The following ASCC3 variants were observed in gnomAD, a reference collection of about 807,000 sequenced individuals.
ASCC3 encodes the protein activating signal cointegrator 1 complex subunit 3, also known as ASC-1 complex subunit P200.
ASCC3 carries 158 observed loss-of-function variants against 256.3 expected under a neutral mutation model. The ratio of observed to expected loss-of-function variants is 0.62; its 90% confidence interval spans 0.54 to 0.70. ASCC3 has a LOEUF of 0.70. Ranked by LOEUF, ASCC3 falls within the 30% of genes least tolerant of loss-of-function variation. ASCC3 has a pLI of 0.00. For missense variants in ASCC3, 2,259 were observed against 2,626.0 expected, an observed-to-expected ratio of 0.86 and a Z score of 3.05; for synonymous variants, 948 against 883.4, an observed-to-expected ratio of 1.07 and a Z score of -1.30.
At chr6:100,811,169 C>T (rs1770449810) in intron 4 of ASCC3, among the ~76,000 whole-genome samples, 1 of 152,112 alleles carries the variant, frequency 6.6e-6, no homozygotes, top group Admixed American at 6.6e-5. Context: ...GCCCATTTGT[C>T]CAACTCCAGT....
At chr6:100,795,408 A>G (rs943215436) in intron 8 of ASCC3, among the ~76,000 whole-genome samples, 1 of 152,034 alleles carries the variant, frequency 6.6e-6, no homozygotes, top group African/African-American at 2.4e-5. Flanking sequence ...AGATAAAGAA[A>G]AAGAGACAAA....
intron 1 of ASCC3, among the ~76,000 whole-genome samples, chr6:100,875,939 A>G (rs1287467733): frequency 6.6e-6 from 1 of 152,164 alleles, no homozygotes. Context: ...AAGGAGAAAA[A>G]GTAGGAAATA....
At chr6:100,572,647 T>A (rs1223350478) in intron 36 of ASCC3, among the ~76,000 whole-genome samples, 1 of 152,130 alleles carries the variant, frequency 6.6e-6, no homozygotes, top group Non-Finnish European at 1.5e-5. Flanking sequence ...AGCAAGGAGA[T>A]AAACATAATG....
chr6:100,632,658 A>G (rs1422392783), intron 25 of ASCC3, among the ~76,000 whole-genome samples: 1 of 152,200 alleles, frequency 6.6e-6, no homozygotes, highest in East Asian at 1.9e-4. Context: ...AAAAGAGCCC[A>G]GAAATCAACC....
At chr6:100,655,630 T>C (rs1173982963) in intron 17 of ASCC3, 69 bp downstream of exon 17, 3 of 1,536,674 alleles carry the variant, frequency 2.0e-6, no homozygotes, top group African/African-American at 2.7e-5. Flanking sequence ...CAAACAAATA[T>C]CTATCCTCAT....
rs182874034 is a variant in ASCC3, at chr6:100,606,396, G to C, written c.5044+344C>G. Among the ~76,000 whole-genome samples, 3 of 152,076 alleles carry C rather than the reference G, an allele frequency of 2.0e-5. No individual in the cohort carries two copies. In the East Asian group the frequency reaches 5.8e-4, roughly 29 times the overall value. On this transcript the variant is annotated intron_variant, in intron 32 of 41. Transcript: ENST00000369162. ...TCTAGTGAAACACATTTAAAATTAA[G>C]CAAAACAATACTTAGTCATAATTTA...
At chr6:100,847,879 CA>C (rs1296383376) in intron 4 of ASCC3, 6 of 282,204 alleles carry the variant, frequency 2.1e-5, no homozygotes, top group Admixed American at 4.7e-5. Context: ...AAGTTGACAT[CA>C]AACCAGCACT....
chr6:100,716,481 T>C (rs1779091473), intron 12 of ASCC3, among the ~76,000 whole-genome samples: 2 of 151,896 alleles, frequency 1.3e-5, no homozygotes, highest in African/African-American at 4.8e-5. Flanking sequence ...ATGACAATGA[T>C]TTGGATTTTT....
chr6:100,729,035 T>C (rs1215378072), intron 10 of ASCC3, among the ~76,000 whole-genome samples: 1 of 152,104 alleles, frequency 6.6e-6, no homozygotes, highest in Non-Finnish European at 1.5e-5. Flanking sequence ...TTTGACAAAG[T>C]TTGCCCATGA....
chr6:100,671,960 CAT>C (rs1776773625), intron 14 of ASCC3, among the ~76,000 whole-genome samples: 1 of 151,990 alleles, frequency 6.6e-6, no homozygotes, highest in Admixed American at 6.6e-5. Context: ...TCACTATTTA[CAT>C]TTTAGTCATC....
intron 30 of ASCC3, among the ~76,000 whole-genome samples, chr6:100,613,866 A>T (rs1562167844): frequency 6.6e-6 from 1 of 152,132 alleles, no homozygotes. Context: ...GGGTAAAATA[A>T]TATCTCATTG....
intron 30 of ASCC3, among the ~76,000 whole-genome samples, chr6:100,612,089 G>C (rs1330594364): frequency 6.6e-6 from 1 of 151,922 alleles, no homozygotes; most frequent in Admixed American, 6.6e-5. Flanking sequence ...CTTAAGGTTG[G>C]GGGGAGGAGG....
chr6:100,586,429 C>T (rs181713462), intron 36 of ASCC3, among the ~76,000 whole-genome samples: 15 of 152,274 alleles, frequency 9.9e-5, no homozygotes, highest in Non-Finnish European at 1.9e-4. Context: ...TTTTTAAGCT[C>T]GTTGGAAAAG....
intron 11 of ASCC3, among the ~76,000 whole-genome samples, 199 bp from the exon 12 acceptor site, chr6:100,718,450 C>A (rs182926688): frequency 3.3e-4 from 50 of 152,050 alleles, no homozygotes; most frequent in Non-Finnish European, 6.6e-4. Context: ...GAATTCCATA[C>A]CCACTATAAT....
chr6:100,783,798 T>C (rs780100596), intron 8 of ASCC3, among the ~76,000 whole-genome samples: 8 of 152,200 alleles, frequency 5.3e-5, no homozygotes, highest in Non-Finnish European at 7.3e-5. Context: ...CTTATTTAAT[T>C]TGGCAAGTAA....
intron 30 of ASCC3, among the ~76,000 whole-genome samples, chr6:100,609,559 T>C (rs185304554): frequency 3.4e-4 from 52 of 152,260 alleles, no homozygotes; most frequent in Non-Finnish European, 5.9e-4. Context: ...ACACAAATTT[T>C]ATGGGAAGAA....
In ASCC3 at chr6:100,631,139, T is replaced by A. The variant is rs149777973; in HGVS notation, c.4197A>T (p.Lys1399Asn). The change falls in exon 26 of 42, where the codon AAA becomes AAT. Residue 1399 changes from lysine (K) to asparagine (N), a missense_variant. Transcript: ENST00000369162. ...MDDWKVRIEE[K>N]LGKKVIELTG... ...AAGTAAGAACTTACTTTTTACCAAG[T>A]TTTTCTTCTATTCTAACTTTCCAAT... The A allele has an allele frequency of 2.5e-6, 4 of 1,610,330 alleles. No homozygotes were observed. Among genetic ancestry groups the A allele is most frequent in the Middle Eastern group, 1.7e-4 (1 of 5,988 alleles).
intron 13 of ASCC3, among the ~76,000 whole-genome samples, chr6:100,700,375 A>C (rs532282591): frequency 1.9e-4 from 29 of 152,260 alleles, no homozygotes; most frequent in Non-Finnish European, 3.7e-4. Context: ...ACCCAGGCAG[A>C]AGTTTGCTAT....
At chr6:100,645,884 T>C (rs1215546185) in intron 22 of ASCC3, among the ~76,000 whole-genome samples, 2 of 152,174 alleles carry the variant, frequency 1.3e-5, no homozygotes, top group Non-Finnish European at 2.9e-5. Context: ...GAAAAATCTA[T>C]TTATTATGGC....
Sources: gnomAD v4.1 joint callset for allele counts (sites outside exome capture counted in the v4.1 genomes callset) on GRCh38, gnomAD v4.1.1 for gene constraint, MANE v1.5 for transcripts, NCBI Gene and HGNC (gene_info 2026-07-23, HGNC 2026-07-21) for gene names.